The following SH3PXD2A variants were observed in gnomAD, a reference collection of about 807,000 sequenced individuals.
SH3PXD2A encodes SH3 and PX domains 2A, also known as SH3 and PX domain-containing protein 2A.
SH3PXD2A carries 32 observed loss-of-function variants against 115.2 expected under a neutral mutation model. That is an observed-to-expected ratio of 0.28 (90% CI 0.21 to 0.37). The LOEUF (loss-of-function observed/expected upper bound fraction) is 0.37. Ranked by LOEUF, SH3PXD2A falls within the 10% of genes least tolerant of loss-of-function variation. The probability of loss-of-function intolerance (pLI) is 1.00; values close to 1 mark genes in which losing one functional copy is unlikely to be tolerated. For synonymous variants in SH3PXD2A, 610 were observed against 629.1 expected (o/e 0.97, Z 0.45); for missense variants, 1,328 against 1,498.7 (o/e 0.89, Z 1.88).
rs116014178 is a variant in SH3PXD2A at position 103,678,132 on chromosome 10, G to A, written c.428-9480C>T. The A allele has an allele frequency of 2.2e-4, 287 of 1,289,108 alleles. 2 individuals carry two copies. The African/African-American group carries it at 3.7e-3, about 16-fold the overall frequency. 79.9% of individuals were successfully genotyped at this position (1,289,108 alleles called of 1,614,324 possible). A position where few individuals can be genotyped will look rare whatever the true frequency, so the allele number is the denominator to read the frequency against. ...ATGGACGCTACAGGAAACAGGAGCCGGAGCAGGAACGACCCGTTCATGTGT... is the reference window on the plus strand; with the variant it reads ...ATGGACGCTACAGGAAACAGGAGCCAGAGCAGGAACGACCCGTTCATGTGT... On this transcript the variant is annotated intron_variant, in intron 6 of 14. Transcript: ENST00000369774.
intron 5 of SH3PXD2A, among the ~76,000 whole-genome samples, chr10:103,694,564 T>A (rs915128958): frequency 1.3e-5 from 2 of 152,102 alleles, no homozygotes; most frequent in Non-Finnish European, 2.9e-5. Flanking sequence ...CATTTCTGAC[T>A]CTCTCCCCTT....
intron 10 of SH3PXD2A, among the ~76,000 whole-genome samples, chr10:103,621,122 C>T (rs776466702): frequency 1.3e-5 from 2 of 152,082 alleles, no homozygotes; most frequent in Non-Finnish European, 2.9e-5. Flanking sequence ...GGCGCACAGT[C>T]GTATCTGTGG....
At chr10:103,780,091 A>G (rs2038917803) in intron 2 of SH3PXD2A, among the ~76,000 whole-genome samples, 2 of 152,242 alleles carry the variant, frequency 1.3e-5, no homozygotes, top group Non-Finnish European at 2.9e-5. Flanking sequence ...GATCAAATTC[A>G]GACTGAAATC....
At chr10:103,618,601 A>C (rs996720033) in intron 10 of SH3PXD2A, among the ~76,000 whole-genome samples, 4 of 152,220 alleles carry the variant, frequency 2.6e-5, no homozygotes, top group African/African-American at 9.6e-5. Flanking sequence ...GGTGCTCCCC[A>C]GGGGCTGAGA....
chr10:103,723,051 C>T (rs1481610495), intron 5 of SH3PXD2A, among the ~76,000 whole-genome samples: 3 of 152,190 alleles, frequency 2.0e-5, no homozygotes, highest in South Asian at 2.1e-4. Flanking sequence ...TATTCTACAA[C>T]CTCATGGGCA....
At chr10:103,643,831 G>A (rs1393931533) in intron 8 of SH3PXD2A, among the ~76,000 whole-genome samples, 2 of 152,190 alleles carry the variant, frequency 1.3e-5, no homozygotes, top group African/African-American at 4.8e-5. Flanking sequence ...TGCAGACCAG[G>A]CCAGGCGCGG....
intron 2 of SH3PXD2A, among the ~76,000 whole-genome samples, chr10:103,768,661 C>A (rs554719316): frequency 6.6e-6 from 1 of 152,288 alleles, no homozygotes; most frequent in South Asian, 2.1e-4. Context: ...GAATGGACCA[C>A]AGGGTGGAAG....
chr10:103,620,811 C>T lies in SH3PXD2A; in HGVS notation c.802+1659G>A, dbSNP rs2133946218. Among the ~76,000 whole-genome samples, 1 of 152,276 alleles carries T rather than the reference C, an allele frequency of 6.6e-6. No individual in the cohort carries two copies. Among genetic ancestry groups the T allele is most frequent in the South Asian group, 2.1e-4 (1 of 4,824 alleles). ...GGCATTTCATTGCGTATTTGTGTCT[C>T]CACATATCACTGTATGTCTGTGACT... On this transcript the variant is annotated intron_variant, in intron 10 of 14. Transcript: ENST00000369774. The surrounding 1 kb of genome is among the most constrained non-coding windows in gnomAD (Gnocchi z 5.3).
intron 1 of SH3PXD2A, among the ~76,000 whole-genome samples, chr10:103,854,395 G>A (rs2134335774): frequency 6.6e-6 from 1 of 152,302 alleles, no homozygotes; most frequent in South Asian, 2.1e-4. Flanking sequence ...TGGGAAGACA[G>A]GACCGGCTGA....
At chr10:103,622,346 T>A in intron 10 of SH3PXD2A, 124 bp downstream of exon 10, 2 of 675,668 alleles carry the variant, frequency 3.0e-6, no homozygotes, top group Non-Finnish European at 5.1e-6. Context: ...GAAGAAAGCC[T>A]GGCCCGTGAA....
chr10:103,759,831 G>C (rs2038680898), intron 3 of SH3PXD2A, among the ~76,000 whole-genome samples: 1 of 152,176 alleles, frequency 6.6e-6, no homozygotes, highest in South Asian at 2.1e-4. Flanking sequence ...TGAGAGGCTG[G>C]TGACCCCGCC....
intron 8 of SH3PXD2A, among the ~76,000 whole-genome samples, chr10:103,659,276 G>A (rs1021957611): frequency 1.3e-5 from 2 of 152,178 alleles, no homozygotes; most frequent in Non-Finnish European, 2.9e-5. Context: ...AGACATGGGG[G>A]CTCACTACCT....
intron 2 of SH3PXD2A, among the ~76,000 whole-genome samples, chr10:103,796,256 G>A (rs889583078): frequency 2.0e-5 from 3 of 151,914 alleles, no homozygotes; most frequent in South Asian, 2.1e-4. Context: ...CCAGCTACTT[G>A]GGAGGCTCAG....
chr10:103,735,711 C>T lies in SH3PXD2A; in HGVS notation c.306+21G>A. On this transcript the variant is annotated intron_variant, in intron 4 of 14. Coordinates refer to ENST00000369774, the MANE Select transcript of SH3PXD2A (RefSeq NM_001394015.1). ...TGAAGCCCTCCCCGAGCCCCTCCCC[C>T]AGCCCCAGATACACTCTCACCCGGC... is the stretch of plus-strand genomic sequence containing the variant. 5 of 1,572,620 alleles carry T rather than the reference C, an allele frequency of 3.2e-6. No individual in the cohort carries two copies. In the East Asian group the frequency reaches 6.7e-5, roughly 21 times the overall value.
chr10:103,655,165 A>G (rs2037191618), intron 8 of SH3PXD2A, among the ~76,000 whole-genome samples: 1 of 152,176 alleles, frequency 6.6e-6, no homozygotes. Context: ...GTCAGTGCAC[A>G]AGGCTTTCTG....
chr10:103,602,039 G>A lies in SH3PXD2A; in HGVS notation c.3179C>T (p.Pro1060Leu). Residue 1060 changes from proline to leucine, a missense_variant, in exon 15 of 15, where the codon CCC becomes CTC. Coordinates refer to ENST00000369774, the MANE Select transcript of SH3PXD2A (RefSeq NM_001394015.1). ...RNSIPVSPVR[P>L]KPIEKSQFIH... ...GAACTGAGACTTCTCGATGGGCTTGGGGCGCACAGGGGACACGGGTATGCT... is the reference window on the plus strand; with the variant it reads ...GAACTGAGACTTCTCGATGGGCTTGAGGCGCACAGGGGACACGGGTATGCT... The A allele has an allele frequency of 6.2e-7, 1 of 1,610,852 alleles. No homozygotes were observed. Among genetic ancestry groups the A allele is most frequent in the East Asian group, 2.2e-5 (1 of 44,852 alleles).
chr10:103,701,759 C>CCATCCATCATT (rs145811918), intron 5 of SH3PXD2A, among the ~76,000 whole-genome samples: 5 of 139,586 alleles, frequency 3.6e-5, no homozygotes, highest in South Asian at 4.7e-4. Context: ...CGTCCATCAT[C>CCATCCATCATT]CATCCAGCCA....
intron 6 of SH3PXD2A, among the ~76,000 whole-genome samples, chr10:103,682,303 T>C (rs2037620811): frequency 6.6e-6 from 1 of 152,248 alleles, no homozygotes; most frequent in Admixed American, 6.5e-5. Flanking sequence ...GACACACACG[T>C]GAGCAGCACT....
intron 3 of SH3PXD2A, among the ~76,000 whole-genome samples, chr10:103,747,996 CCAGA>C (rs2038527254): frequency 6.6e-6 from 1 of 151,856 alleles, no homozygotes. Flanking sequence ...AAAACTGAGC[CCAGA>C]CAGTCAACTC....
Sources: allele counts gnomAD v4.1 joint callset (sites outside exome capture counted in the v4.1 genomes callset), GRCh38; gene constraint gnomAD v4.1.1; non-coding constraint Gnocchi (gnomAD v3.1); transcripts MANE v1.5; gene names NCBI Gene and HGNC (gene_info 2026-07-23, HGNC 2026-07-21).